ZNF563: variants seen among roughly 807,000 people sequenced by gnomAD.
ZNF563 encodes zinc finger protein 563.
A neutral mutation model predicts 48.5 loss-of-function variants in ZNF563; 39 were observed. The ratio of observed to expected loss-of-function variants is 0.80; its 90% confidence interval spans 0.62 to 1.05. The LOEUF (loss-of-function observed/expected upper bound fraction) is 1.05, where lower values mean the gene tolerates loss of function less well. Ranked by LOEUF, ZNF563 falls within the 50% of genes least tolerant of loss-of-function variation. The pLI is 0.00. For synonymous variants in ZNF563, 168 were observed against 187.9 expected, an observed-to-expected ratio of 0.89 and a Z score of 0.87; for missense variants, 538 against 597.0, an observed-to-expected ratio of 0.90 and a Z score of 1.03.
At chr19:12,329,560 T>C (rs1968875384) in intron 1 of ZNF563, among the ~76,000 whole-genome samples, 1 of 151,230 alleles carries the variant, frequency 6.6e-6, no homozygotes, top group African/African-American at 2.4e-5. Flanking sequence ...GCCGACAGCA[T>C]AGTTAACACA....
chr19:12,338,353 T>C (rs1180285747), upstream of ZNF563, among the ~76,000 whole-genome samples: 2 of 152,126 alleles, frequency 1.3e-5, no homozygotes, highest in Admixed American at 6.5e-5. Context: ...GCTCAAGTGA[T>C]TCTTGTGCCT....
At chr19:12,330,574 A>T (rs1041188525) in intron 1 of ZNF563, among the ~76,000 whole-genome samples, 7 of 152,204 alleles carry the variant, frequency 4.6e-5, no homozygotes, top group African/African-American at 1.7e-4. Context: ...CCAATGGAAG[A>T]CAGCAAATTC....
At chr19:12,337,225 C>T (rs775551599), upstream of ZNF563, among the ~76,000 whole-genome samples, 3 of 151,318 alleles carry the variant, frequency 2.0e-5, no homozygotes, top group Non-Finnish European at 2.9e-5. Flanking sequence ...TTTTTTGAGA[C>T]GAGCTCTCGC....
chr19:12,321,315 G>A lies in ZNF563; in HGVS notation c.148C>T (p.Gln50Ter). ...TTTTTGTACTGATCTTCAGTATTCT[G>A]TTCTTCCCATATCATTCCTAAAAGG... is the stretch of plus-strand genomic sequence containing the variant. Reference protein sequence around the residue: ...LDCIRMIWEEQNTEDQYKNPR... With the variant: ...LDCIRMIWEE The change falls in exon 3 of 4, where the codon CAG becomes TAG. Residue 50 changes from glutamine to a stop codon, truncating the protein, a stop_gained. Transcript: ENST00000293725. LOFTEE classifies it high-confidence loss of function. 1 of 1,567,604 alleles carries A rather than the reference G, an allele frequency of 6.4e-7. No homozygotes were observed. Among genetic ancestry groups the A allele is most frequent in the Non-Finnish European group, 8.6e-7 (1 of 1,161,806 alleles).
chr19:12,329,510 C>G (rs1320843096), intron 1 of ZNF563, among the ~76,000 whole-genome samples: 1 of 149,280 alleles, frequency 6.7e-6, no homozygotes, highest in Non-Finnish European at 1.5e-5. Flanking sequence ...CATCAACAAA[C>G]CAACAGATGA....
upstream of ZNF563, among the ~76,000 whole-genome samples, chr19:12,337,226 G>A (rs370696676): frequency 9.9e-5 from 15 of 151,056 alleles, no homozygotes; most frequent in African/African-American, 2.2e-4. Context: ...TTTTTGAGAC[G>A]AGCTCTCGCT....
At chr19:12,325,035 C>T (rs1187381028) in intron 1 of ZNF563, 1 of 152,110 alleles carries the variant, frequency 6.6e-6, no homozygotes, top group Non-Finnish European at 1.5e-5. Context: ...ATTTTCCAGT[C>T]ATTATGGGGA....
intron 1 of ZNF563, among the ~76,000 whole-genome samples, chr19:12,330,097 T>C (rs972511917): frequency 3.3e-5 from 5 of 152,090 alleles, no homozygotes; most frequent in Non-Finnish European, 7.4e-5. Flanking sequence ...ATTTTTGTAT[T>C]CTTAGTAGAG....
At chr19:12,324,721 A>G (rs10404180) in intron 1 of ZNF563, among the ~76,000 whole-genome samples, 21,585 of 94,348 alleles carry the variant, frequency 0.23, 784 homozygotes, top group African/African-American at 0.3. Context: ...CCGTCTCAAG[A>G]AAAAAAAAAA....
Position 12,319,619 on chromosome 19 carries a change from A to G in ZNF563, c.406T>C (p.Tyr136His), listed in dbSNP as rs768157434. The G allele has an allele frequency of 2.5e-6, 4 of 1,614,022 alleles. No individual in the cohort carries two copies. The East Asian group carries it at 8.9e-5, about 36-fold the overall frequency. ...TTATGTGTATGTGGCTTCTCTCCAT[A>G]TTCCTGATACTCATGTGGTTTGTGT... is the stretch of plus-strand genomic sequence containing the variant. ...SGHKPHEYQEYGEKPHTHKQR... is the reference protein window; with the variant it reads ...SGHKPHEYQEHGEKPHTHKQR... The change falls in exon 4 of 4, where the codon TAT becomes CAT. Residue 136 changes from tyrosine (Y) to histidine (H), a missense_variant. Coordinates refer to ENST00000293725, the MANE Select transcript of ZNF563 (RefSeq NM_145276.3).
Position 12,319,368 on chromosome 19 carries a change from G to C in ZNF563, c.657C>G (p.His219Gln). The change falls in exon 4 of 4, where the codon CAC becomes CAG. Residue 219 changes from histidine (H) to glutamine (Q), a missense_variant. Coordinates refer to ENST00000293725, the MANE Select transcript of ZNF563 (RefSeq NM_145276.3). ...TACATTCATACGGTTTCTCTCCAGT[G>C]TGAGTTCTTTCATGCATACGTAATA... ...PSLLRMHERT[H>Q]TGEKPYECKQ... 3.1e-6 allele frequency: 5 copies of C among 1,614,182 alleles called. No homozygotes were observed. The highest frequency in any genetic ancestry group is 4.2e-6 in the Non-Finnish European group (5 of 1,180,042).
At chr19:12,326,597 TTGTGCCAC>T (rs1968802938) in intron 1 of ZNF563, among the ~76,000 whole-genome samples, 1 of 151,830 alleles carries the variant, frequency 6.6e-6, no homozygotes, top group Non-Finnish European at 1.5e-5. Flanking sequence ...TGAGCCAAGA[TTGTGCCAC>T]TGCACTCCAG....
chr19:12,320,242 G>A (rs1968575044), intron 3 of ZNF563, among the ~76,000 whole-genome samples: 1 of 151,818 alleles, frequency 6.6e-6, no homozygotes, highest in African/African-American at 2.4e-5. Flanking sequence ...TCATTACCAT[G>A]CAAAGTGTAG....
At chr19:12,322,388 T>A (rs1442246042) in intron 2 of ZNF563, among the ~76,000 whole-genome samples, 197 bp downstream of exon 2, 1 of 152,184 alleles carries the variant, frequency 6.6e-6, no homozygotes, top group Middle Eastern at 3.2e-3. Context: ...AGGCTGCTGG[T>A]CAATGGCGGC....
intron 1 of ZNF563, 97 bp from the exon 2 acceptor site, chr19:12,322,808 A>C: frequency 2.3e-6 from 3 of 1,300,566 alleles, no homozygotes; most frequent in Non-Finnish European, 3.1e-6. Context: ...GTGCTTTCCA[A>C]GCATTTATTC....
chr19:12,343,908 T>A, the ZNF563 span, among the ~76,000 whole-genome samples: 1 of 151,770 alleles, frequency 6.6e-6, no homozygotes, highest in Non-Finnish European at 1.5e-5. Context: ...TTTTTTGTAT[T>A]TTTAGTAGAG....
chr19:12,338,932 A>T, the ZNF563 span, among the ~76,000 whole-genome samples: 6 of 152,182 alleles, frequency 3.9e-5, no homozygotes, highest in Admixed American at 3.9e-4. Flanking sequence ...AATGATTTGG[A>T]TGGTAAACTG....
At chr19:12,331,046 A>C (rs930234741) in intron 1 of ZNF563, among the ~76,000 whole-genome samples, 7 of 152,222 alleles carry the variant, frequency 4.6e-5, no homozygotes, top group Non-Finnish European at 8.8e-5. Flanking sequence ...GTAGTACGAC[A>C]GAAAAGAAAA....
At chr19:12,327,625 T>C (rs879626460) in intron 1 of ZNF563, among the ~76,000 whole-genome samples, 5 of 152,068 alleles carry the variant, frequency 3.3e-5, no homozygotes, top group Non-Finnish European at 5.9e-5. Flanking sequence ...AGACAAGGAC[T>C]GGCAGAGTAG....
Sources: gnomAD v4.1 joint callset for allele counts (sites outside exome capture counted in the v4.1 genomes callset) on GRCh38, gnomAD v4.1.1 for gene constraint, MANE v1.5 for transcripts, NCBI Gene and HGNC (gene_info 2026-07-23, HGNC 2026-07-21) for gene names.